CYP4X1: variants seen among roughly 807,000 people sequenced by gnomAD.
CYP4X1 encodes the protein cytochrome P450 family 4 subfamily X member 1.
In CYP4X1, 44 loss-of-function variants were observed where a neutral mutation model predicts 57.9. The observed-to-expected ratio is 0.76, with a 90% CI of 0.60 to 0.98. CYP4X1 has a LOEUF of 0.98. Among genes scored for constraint, CYP4X1 ranks in the 50% least tolerant of loss-of-function variants. CYP4X1 has a pLI of 0.00. For missense variants in CYP4X1, 532 were observed against 623.9 expected, an observed-to-expected ratio of 0.85 and a Z score of 1.57; for synonymous variants, 227 against 228.6, an observed-to-expected ratio of 0.99 and a Z score of 0.06.
At chr1:46,962,978 G>A in the CYP4X1 span, among the ~76,000 whole-genome samples, 1 of 152,298 alleles carries the variant, frequency 6.6e-6, no homozygotes, top group Non-Finnish European at 1.5e-5. Flanking sequence ...AGCTCTTCTT[G>A]TTGAATTGAT....
chr1:46,979,039 A>C, the CYP4X1 span, among the ~76,000 whole-genome samples: 1 of 152,162 alleles, frequency 6.6e-6, no homozygotes, highest in Admixed American at 6.6e-5. Context: ...ATCTAAAATC[A>C]ATCTCCTAAC....
intron 10 of CYP4X1, 93 bp downstream of exon 10, chr1:47,048,722 A>T (rs1644329315): frequency 8.3e-7 from 1 of 1,210,080 alleles, no homozygotes; most frequent in African/African-American, 1.5e-5. Context: ...TATATAATTA[A>T]GGGAAATGAC....
At chr1:47,025,726 C>T (rs1232634082) in intron 1 of CYP4X1, among the ~76,000 whole-genome samples, 2 of 152,092 alleles carry the variant, frequency 1.3e-5, no homozygotes, top group African/African-American at 4.8e-5. Context: ...ATAGATCTGT[C>T]AAACACATCT....
chr1:46,966,170 T>C, the CYP4X1 span, among the ~76,000 whole-genome samples: 1 of 152,222 alleles, frequency 6.6e-6, no homozygotes, highest in Non-Finnish European at 1.5e-5. Flanking sequence ...TTGGCTAGAA[T>C]TCCAAACCAG....
the CYP4X1 span, among the ~76,000 whole-genome samples, chr1:46,988,574 A>G: frequency 6.6e-6 from 1 of 152,166 alleles, no homozygotes; most frequent in African/African-American, 2.4e-5. Context: ...TGGCAGAGAC[A>G]TAACAAAAAA....
the CYP4X1 span, among the ~76,000 whole-genome samples, chr1:47,015,016 C>T: frequency 1.1e-4 from 16 of 152,242 alleles, 1 homozygote; most frequent in East Asian, 2.5e-3. Flanking sequence ...TTTTGGACTT[C>T]ATTTCCCTAT....
At chr1:47,002,916 G>C in the CYP4X1 span, 1 of 152,208 alleles carries the variant, frequency 6.6e-6, no homozygotes, top group Non-Finnish European at 1.5e-5. Flanking sequence ...GTGGACATTT[G>C]TTTGGCAAGA....
the CYP4X1 span, among the ~76,000 whole-genome samples, chr1:47,013,131 G>A: frequency 6.6e-6 from 1 of 152,004 alleles, no homozygotes; most frequent in East Asian, 1.9e-4. Context: ...TAAAGTGAAA[G>A]CAAGTTTATT....
At chr1:47,029,301 G>A (rs908793753) in intron 1 of CYP4X1, among the ~76,000 whole-genome samples, 1 of 152,190 alleles carries the variant, frequency 6.6e-6, no homozygotes, top group Non-Finnish European at 1.5e-5. Flanking sequence ...ATTTAAGTGA[G>A]CCATTACTCA....
chr1:47,012,143 A>G, the CYP4X1 span, among the ~76,000 whole-genome samples: 1 of 152,250 alleles, frequency 6.6e-6, no homozygotes, highest in East Asian at 1.9e-4. Flanking sequence ...ACAATAGCAA[A>G]GACTTGGAAC....
At chr1:47,012,964 C>T in the CYP4X1 span, among the ~76,000 whole-genome samples, 2 of 151,870 alleles carry the variant, frequency 1.3e-5, no homozygotes, top group South Asian at 2.1e-4. Flanking sequence ...CATTTTTTTT[C>T]CTACGTTTTG....
the CYP4X1 span, among the ~76,000 whole-genome samples, chr1:46,962,102 T>C: frequency 2.6e-5 from 4 of 152,080 alleles, no homozygotes; most frequent in African/African-American, 9.7e-5. Flanking sequence ...GAGCTTTCTT[T>C]TTTCTGTCTT....
Position 47,023,965 on chromosome 1 carries a change from C to G in CYP4X1, c.148C>G (p.Pro50Ala). 1 of 1,613,060 alleles carries G rather than the reference C, an allele frequency of 6.2e-7. No individual in the cohort carries two copies. The highest frequency in any genetic ancestry group is 8.5e-7 in the Non-Finnish European group (1 of 1,179,846). ...LRDLRPFPAP[P>A]THWFLGHQKF... is the part of the protein sequence containing the mutation. ...GGACCTGCGCCCCTTCCCAGCGCCC[C>G]CCACCCACTGGTTCCTTGGGCACCA... Residue 50 changes from proline to alanine, a missense_variant, in exon 1 of 12, where the codon CCC becomes GCC. Pro to Ala is a conservative substitution (Grantham distance 27). Coordinates refer to ENST00000371901, the MANE Select transcript of CYP4X1 (RefSeq NM_178033.2).
At chr1:46,986,887 C>G in the CYP4X1 span, among the ~76,000 whole-genome samples, 38 of 151,672 alleles carry the variant, frequency 2.5e-4, no homozygotes, top group Non-Finnish European at 5.2e-4. Context: ...AAGCACTAAA[C>G]ATGGAAAAAA....
At chr1:47,018,490 G>A in the CYP4X1 span, among the ~76,000 whole-genome samples, 1 of 152,134 alleles carries the variant, frequency 6.6e-6, no homozygotes, top group Non-Finnish European at 1.5e-5. Flanking sequence ...GTCATCATGA[G>A]AATTTTAGTG....
At chr1:47,043,766 A>T (rs2148514355) in intron 8 of CYP4X1, among the ~76,000 whole-genome samples, 1 of 152,270 alleles carries the variant, frequency 6.6e-6, no homozygotes, top group South Asian at 2.1e-4. Context: ...TTATATATTT[A>T]GGTGTTCCTA....
At chr1:46,988,972 C>A in the CYP4X1 span, among the ~76,000 whole-genome samples, 1 of 152,066 alleles carries the variant, frequency 6.6e-6, no homozygotes, top group Non-Finnish European at 1.5e-5. Context: ...GGAAGCATTC[C>A]CTTGGAAAAC....
chr1:47,019,615 A>G (rs1643975808), upstream of CYP4X1, among the ~76,000 whole-genome samples: 1 of 152,158 alleles, frequency 6.6e-6, no homozygotes, highest in South Asian at 2.1e-4. Context: ...GGCCACCATC[A>G]TATCTTATCT....
the CYP4X1 span, among the ~76,000 whole-genome samples, chr1:46,987,424 C>T: frequency 2.6e-5 from 4 of 152,226 alleles, no homozygotes; most frequent in South Asian, 6.2e-4. Flanking sequence ...GACTCCCATA[C>T]AATAATAGTG....
Sources: gnomAD v4.1 joint callset for allele counts (sites outside exome capture counted in the v4.1 genomes callset) on GRCh38, gnomAD v4.1.1 for gene constraint, MANE v1.5 for transcripts, NCBI Gene and HGNC (gene_info 2026-07-23, HGNC 2026-07-21) for gene names.